The following ROBO2 variants were observed in gnomAD, a reference collection of about 807,000 sequenced individuals.
The protein encoded by ROBO2 is roundabout guidance receptor 2.
A neutral mutation model predicts 160.8 loss-of-function variants in ROBO2; 53 were observed. That is an observed-to-expected ratio of 0.33 (90% CI 0.26 to 0.41). The LOEUF is 0.41. Among genes scored for constraint, ROBO2 ranks in the 10% least tolerant of loss-of-function variants. The pLI is 1.00. For synonymous variants in ROBO2, 664 were observed against 611.7 expected, an observed-to-expected ratio of 1.09 and a Z score of -1.26; for missense variants, 1,577 against 1,722.4, an observed-to-expected ratio of 0.92 and a Z score of 1.49.
intron 2 of ROBO2, among the ~76,000 whole-genome samples, chr3:76,742,959 G>A (rs1446309989): frequency 1.3e-5 from 2 of 152,014 alleles, no homozygotes; most frequent in Admixed American, 6.6e-5. Flanking sequence ...GATGAAACAT[G>A]AGCAAATTAC....
chr3:76,135,208 G>T (rs1029932837), intron 2 of ROBO2, among the ~76,000 whole-genome samples: 3 of 152,068 alleles, frequency 2.0e-5, no homozygotes, highest in Admixed American at 1.3e-4. Flanking sequence ...CACAAGAGGG[G>T]CAGGGGAATC....
chr3:77,599,502 TGGGGGGA>T (rs2094387371), intron 19 of ROBO2, among the ~76,000 whole-genome samples: 1 of 24,820 alleles, frequency 4.0e-5, no homozygotes, highest in Non-Finnish European at 7.5e-5. Context: ...TGTTGTGGGG[TGGGGGGA>T]GGGGGGAGGG....
At chr3:76,459,325 A>C (rs1005773765) in intron 2 of ROBO2, among the ~76,000 whole-genome samples, 1 of 152,232 alleles carries the variant, frequency 6.6e-6, no homozygotes, top group African/African-American at 2.4e-5. Context: ...GCAGATGCAG[A>C]CTTATAAAAT....
intron 2 of ROBO2, among the ~76,000 whole-genome samples, chr3:76,308,292 G>A (rs753127054): frequency 2.1e-5 from 3 of 142,524 alleles, no homozygotes; most frequent in South Asian, 2.2e-4. Context: ...CAGAAGAATC[G>A]CTTGACCCCA....
chr3:76,814,791 G>A (rs1009323280), intron 2 of ROBO2, among the ~76,000 whole-genome samples: 11 of 151,804 alleles, frequency 7.2e-5, no homozygotes, highest in Admixed American at 7.2e-4. Flanking sequence ...TGCCAAAAAA[G>A]AATAAGTAGA....
At chr3:76,764,946 A>G (rs2061496017) in intron 2 of ROBO2, among the ~76,000 whole-genome samples, 1 of 151,654 alleles carries the variant, frequency 6.6e-6, no homozygotes, top group South Asian at 2.1e-4. Context: ...ACAAAAGTGC[A>G]GATTTATTAT....
At chr3:76,876,648 C>G (rs1168849929) in intron 2 of ROBO2, among the ~76,000 whole-genome samples, 2 of 151,628 alleles carry the variant, frequency 1.3e-5, no homozygotes, top group Non-Finnish European at 2.9e-5. Flanking sequence ...GCACTCCAGC[C>G]TGGGTGACAG....
At chr3:77,121,894 A>G (rs565873336) in intron 2 of ROBO2, among the ~76,000 whole-genome samples, 3 of 152,174 alleles carry the variant, frequency 2.0e-5, no homozygotes, top group Non-Finnish European at 4.4e-5. Context: ...CTTCACTGCA[A>G]GCCACTGATA....
intron 2 of ROBO2, among the ~76,000 whole-genome samples, chr3:76,649,540 T>A (rs2091154179): frequency 6.6e-6 from 1 of 152,120 alleles, no homozygotes; most frequent in South Asian, 2.1e-4. Flanking sequence ...CTCAATCTTT[T>A]CTAAAATAAG....
At chr3:77,577,755 G>A in intron 15 of ROBO2, 141 bp downstream of exon 16, 3 of 1,084,386 alleles carry the variant, frequency 2.8e-6, no homozygotes, top group Non-Finnish European at 2.7e-6. Context: ...GTGTGACAGA[G>A]AATGAAACAA....
At chr3:76,760,758 T>G (rs2061260929) in intron 2 of ROBO2, among the ~76,000 whole-genome samples, 1 of 151,816 alleles carries the variant, frequency 6.6e-6, no homozygotes, top group Non-Finnish European at 1.5e-5. Flanking sequence ...ATGAATTATT[T>G]AGCTGATAAC....
At chr3:76,288,874 A>T (rs1296855715) in intron 2 of ROBO2, among the ~76,000 whole-genome samples, 1 of 152,054 alleles carries the variant, frequency 6.6e-6, no homozygotes, top group Non-Finnish European at 1.5e-5. Flanking sequence ...ACCATATAAT[A>T]TTTTTTTAAT....
At chr3:76,412,355 G>A (rs914247457) in intron 2 of ROBO2, among the ~76,000 whole-genome samples, 1 of 152,142 alleles carries the variant, frequency 6.6e-6, no homozygotes, top group Non-Finnish European at 1.5e-5. Flanking sequence ...CAAATCTCAT[G>A]TCCTCACATT....
rs75876540 is a variant in ROBO2 at position 76,005,275 on chromosome 3, G to C, written c.109+67673G>C. On this transcript the variant is annotated intron_variant, in intron 2 of 26. Transcript: ENST00000487694. ...CCACAATAAAAGGATCTTTGAATGAGCACTGAGTCCCTCTGAGCAAGGACA... is the reference window on the plus strand; with the variant it reads ...CCACAATAAAAGGATCTTTGAATGACCACTGAGTCCCTCTGAGCAAGGACA... Among the ~76,000 whole-genome samples, 863 of 152,296 alleles carry C rather than the reference G, an allele frequency of 5.7e-3. 10 individuals are homozygous for C. The highest frequency in any genetic ancestry group is 0.02 in the African/African-American group (834 of 41,570).
At chr3:76,731,640 T>C (rs2093639254) in intron 2 of ROBO2, among the ~76,000 whole-genome samples, 1 of 152,222 alleles carries the variant, frequency 6.6e-6, no homozygotes, top group Non-Finnish European at 1.5e-5. Context: ...TCCTGCTTTT[T>C]ATGAGGCTAA....
chr3:76,860,958 C>T (rs565258235), intron 2 of ROBO2, among the ~76,000 whole-genome samples: 1 of 152,212 alleles, frequency 6.6e-6, no homozygotes, highest in Non-Finnish European at 1.5e-5. Context: ...CTCTTCAGCC[C>T]ATTCAGCCCA....
intron 2 of ROBO2, among the ~76,000 whole-genome samples, chr3:76,470,603 C>T (rs925008396): frequency 5.3e-5 from 8 of 152,056 alleles, no homozygotes; most frequent in Non-Finnish European, 1.0e-4. Context: ...CCTCAAGAGA[C>T]TGAGATAGAA....
At chr3:76,663,080 C>G (rs1455668826) in intron 2 of ROBO2, among the ~76,000 whole-genome samples, 1 of 151,932 alleles carries the variant, frequency 6.6e-6, no homozygotes, top group African/African-American at 2.4e-5. Context: ...AGATTTGAAC[C>G]AAGAAAGTGT....
At chr3:77,072,111 A>C (rs1294493840) in intron 1 of ROBO2, among the ~76,000 whole-genome samples, 1 of 151,982 alleles carries the variant, frequency 6.6e-6, no homozygotes, top group Non-Finnish European at 1.5e-5. Context: ...TAGATTCTCA[A>C]AGGAGCGAGA....
Sources: gnomAD v4.1 joint callset for allele counts (sites outside exome capture counted in the v4.1 genomes callset) on GRCh38, gnomAD v4.1.1 for gene constraint, MANE v1.5 for transcripts, NCBI Gene and HGNC (gene_info 2026-07-23, HGNC 2026-07-21) for gene names.